Variants in GNB1L observed in about 807,000 individuals in gnomAD.
GNB1L encodes guanine nucleotide-binding protein subunit beta-like protein 1.
A neutral mutation model predicts 29.1 loss-of-function variants in GNB1L; 20 were observed. The ratio of observed to expected loss-of-function variants is 0.69; its 90% CI spans 0.48 to 1.00. GNB1L has a LOEUF of 1.00. Among genes scored for constraint, GNB1L ranks in the 50% least tolerant of loss-of-function variants. GNB1L has a pLI of 0.00. For synonymous variants in GNB1L, 193 were observed against 206.5 expected, an observed-to-expected ratio of 0.93 and a Z score of 0.56; for missense variants, 421 against 464.9, an observed-to-expected ratio of 0.91 and a Z score of 0.87.
intron 6 of GNB1L, among the ~76,000 whole-genome samples, chr22:19,803,354 G>A (rs988500551): frequency 1.3e-5 from 2 of 152,152 alleles, no homozygotes; most frequent in East Asian, 1.9e-4. Flanking sequence ...GGCGAGTGGC[G>A]GTCAGTGTGT....
At chr22:19,845,521 G>A (rs1937941861) in intron 2 of GNB1L, among the ~76,000 whole-genome samples, 1 of 152,256 alleles carries the variant, frequency 6.6e-6, no homozygotes, top group Non-Finnish European at 1.5e-5. Flanking sequence ...GGACACAGAA[G>A]AATGTGGCAA....
chr22:19,817,984 C>T (rs1312677178), intron 4 of GNB1L, among the ~76,000 whole-genome samples: 1 of 152,274 alleles, frequency 6.6e-6, no homozygotes, highest in Non-Finnish European at 1.5e-5. Flanking sequence ...CTCCCATCAA[C>T]ATGAAAGCCA....
At chr22:19,849,843 G>A in intron 2 of GNB1L, 3 of 985,356 alleles carry the variant, frequency 3.0e-6, no homozygotes, top group Non-Finnish European at 3.6e-6. Context: ...CACCAGAGTG[G>A]GCACACACTG....
chr22:19,851,106 C>T lies in GNB1L; in HGVS notation c.-21+3337G>A, dbSNP rs914449355. The T allele has an allele frequency of 4.1e-5, 62 of 1,503,840 alleles. No individual in the cohort carries two copies. In the South Asian group the frequency reaches 4.2e-4, roughly 10 times the overall value. The allele number at this position is 1,503,840 out of a possible 1,614,324, so 93.2% of individuals were successfully genotyped here. ...TCTGCTCTGACTGGGGACTATGGGG[C>T]GCTCAAGCCACACAGGCCACTTCAT... On this transcript the variant is annotated intron_variant, in intron 2 of 7. Coordinates refer to ENST00000329517, the MANE Select transcript of GNB1L (RefSeq NM_053004.3).
At chr22:19,804,704 G>A (rs948357365) in intron 6 of GNB1L, among the ~76,000 whole-genome samples, 1 of 151,978 alleles carries the variant, frequency 6.6e-6, no homozygotes, top group Non-Finnish European at 1.5e-5. Context: ...GATGGAAAAG[G>A]GAACATGTGG....
chr22:19,851,576 G>C, intron 2 of GNB1L: 2 of 1,608,034 alleles, frequency 1.2e-6, no homozygotes, highest in Non-Finnish European at 1.7e-6. Flanking sequence ...CCTGGGGGCA[G>C]TACCCATGTC....
At chr22:19,789,079 G>A in intron 7 of GNB1L, 119 bp from the exon 8 acceptor site, 1 of 1,086,222 alleles carries the variant, frequency 9.2e-7, no homozygotes, top group Non-Finnish European at 1.3e-6. Flanking sequence ...CGGGATGTGA[G>A]GGCCACACGC....
At chr22:19,821,522 C>T (rs923108289) in intron 2 of GNB1L, 147 bp from the exon 3 acceptor site, 5 of 771,162 alleles carry the variant, frequency 6.5e-6, no homozygotes, top group East Asian at 5.3e-5. Flanking sequence ...GCCACTGCTC[C>T]CCAGACACTG....
chr22:19,844,687 G>A (rs1374584518), intron 2 of GNB1L, among the ~76,000 whole-genome samples: 2 of 152,220 alleles, frequency 1.3e-5, no homozygotes, highest in Admixed American at 1.3e-4. Flanking sequence ...GTCGCCCCAG[G>A]AGCGGGTCCC....
chr22:19,794,874 G>A (rs1356538911), intron 7 of GNB1L, among the ~76,000 whole-genome samples: 1 of 152,064 alleles, frequency 6.6e-6, no homozygotes, highest in African/African-American at 2.4e-5. Context: ...CCAGCTACTC[G>A]AGAGGCTGAG....
At chr22:19,824,744 A>G (rs1937606043) in intron 2 of GNB1L, among the ~76,000 whole-genome samples, 1 of 152,224 alleles carries the variant, frequency 6.6e-6, no homozygotes, top group South Asian at 2.1e-4. Flanking sequence ...ACCCCACTCA[A>G]GGGAGGCAGG....
chr22:19,807,275 G>C (rs1193025780), intron 5 of GNB1L, among the ~76,000 whole-genome samples: 1 of 152,176 alleles, frequency 6.6e-6, no homozygotes, highest in Admixed American at 6.5e-5. Context: ...ACAGGCCAGG[G>C]CCCCCCTACA....
chr22:19,850,120 G>A, intron 2 of GNB1L: 1 of 985,236 alleles, frequency 1.0e-6, no homozygotes, highest in Non-Finnish European at 1.2e-6. Context: ...GACCCTCAAA[G>A]CCCCTGCCAG....
rs1937529500 is a variant in GNB1L, at chr22:19,816,922, C to G, written c.254+3676G>C. ...TGCTTCTTTGACTGCCTGGCACCCC[C>G]TTCCCACCCCATCCAAGGGGCACTG... On this transcript the variant is annotated intron_variant, in intron 4 of 7. Coordinates refer to ENST00000329517, the MANE Select transcript of GNB1L (RefSeq NM_053004.3). The surrounding 1 kb of genome is among the most constrained non-coding windows in gnomAD (Gnocchi z 4.4). Among the ~76,000 whole-genome samples, 2 of 152,226 alleles carry G rather than the reference C, an allele frequency of 1.3e-5. No individual in the cohort carries two copies. Among genetic ancestry groups the G allele is most frequent in the Admixed American group, 1.3e-4 (2 of 15,290 alleles).
rs79058086 is a variant in GNB1L, at chr22:19,788,467, C to T, written c.*242G>A. On this transcript the variant is annotated 3_prime_UTR_variant, in exon 8 of 8. Coordinates refer to ENST00000329517, the MANE Select transcript of GNB1L (RefSeq NM_053004.3). ...CCCTCAGCTGGCAACACAGCAGGCC[C>T]AAGCCAACGTCTCCTGCAGGCCTCG... 303 of 620,988 alleles carry T rather than the reference C, an allele frequency of 4.9e-4. 3 individuals carry two copies. In the East Asian group the frequency reaches 8.1e-3, roughly 17 times the overall value. The allele number at this position is 620,988 out of a possible 1,614,324, so 38.5% of individuals were successfully genotyped here.
chr22:19,821,475 A>G, intron 2 of GNB1L, 100 bp from the exon 3 acceptor site: 2 of 1,190,676 alleles, frequency 1.7e-6, no homozygotes, highest in Non-Finnish European at 1.2e-6. Context: ...GCCCCTGCTC[A>G]TTGTCTCTGG....
intron 7 of GNB1L, chr22:19,793,192 C>T: frequency 2.7e-6 from 2 of 748,732 alleles, no homozygotes; most frequent in Non-Finnish European, 4.3e-6. Flanking sequence ...AAATAATTAC[C>T]CAAAAAATTG....
At chr22:19,820,995 C>A (rs559872411) in intron 3 of GNB1L, among the ~76,000 whole-genome samples, 1 of 152,200 alleles carries the variant, frequency 6.6e-6, no homozygotes, top group African/African-American at 2.4e-5. Context: ...CAGTAATGCA[C>A]GCTGGGTGGT....
intron 7 of GNB1L, among the ~76,000 whole-genome samples, chr22:19,798,839 G>C (rs911803055): frequency 2.0e-5 from 3 of 152,248 alleles, no homozygotes; most frequent in Non-Finnish European, 4.4e-5. Context: ...CTCCAGCCCT[G>C]TGTTCCTGAA....
Sources: gnomAD v4.1 joint callset for allele counts (sites outside exome capture counted in the v4.1 genomes callset) on GRCh38, gnomAD v4.1.1 for gene constraint, Gnocchi (gnomAD v3.1) non-coding constraint, MANE v1.5 for transcripts, NCBI Gene and HGNC (gene_info 2026-07-23, HGNC 2026-07-21) for gene names.